DPYSL2: variants seen among roughly 807,000 people sequenced by gnomAD.
The protein encoded by DPYSL2 is dihydropyrimidinase-related protein 2.
A neutral mutation model predicts 69.9 loss-of-function variants in DPYSL2; 13 were observed. The observed-to-expected ratio is 0.19, with a 90% confidence interval of 0.12 to 0.30. The LOEUF (loss-of-function observed/expected upper bound fraction) is 0.30, where lower values mean the gene tolerates loss of function less well. Among genes scored for constraint, DPYSL2 ranks in the 10% least tolerant of loss-of-function variants. The pLI, the probability that DPYSL2 is intolerant of heterozygous loss-of-function variation, is 1.00. For missense variants in DPYSL2, 587 were observed against 918.9 expected, an observed-to-expected ratio of 0.64 and a Z score of 4.67; for synonymous variants, 326 against 359.1, an observed-to-expected ratio of 0.91 and a Z score of 1.04.
chr8:26,535,898 T>TGTGTGTG (rs1554532815), intron 1 of DPYSL2, among the ~76,000 whole-genome samples: 4 of 141,262 alleles, frequency 2.8e-5, no homozygotes, highest in African/African-American at 8.1e-5. Flanking sequence ...TCTCTATGGG[T>TGTGTGTG]TGTGTGTGTG....
rs578048307 is a variant in DPYSL2 at position 26,517,057 on chromosome 8, C to T, written c.354+2378C>T. On this transcript the variant is annotated intron_variant, in intron 1 of 13. Transcript: ENST00000521913. The surrounding 1 kb of genome is among the most constrained non-coding windows in gnomAD (Gnocchi z 4.2). ...TGTGCATTCTAATTGGAAGCCCTGA[C>T]GCAGAGAAAGGTGGGGGAGATTGAG... 3.2e-4 allele frequency among the ~76,000 whole-genome samples: 49 copies of T among 152,238 alleles called. 1 individual carries two copies. The highest frequency in any genetic ancestry group is 4.1e-4 in the South Asian group (2 of 4,822).
chr8:26,639,081 G>A (rs1302605091), intron 8 of DPYSL2, among the ~76,000 whole-genome samples: 2 of 152,188 alleles, frequency 1.3e-5, no homozygotes, highest in Admixed American at 1.3e-4. Context: ...CTCAATTTGA[G>A]ATAAGACCTC....
intron 1 of DPYSL2, among the ~76,000 whole-genome samples, chr8:26,540,098 A>G (rs1433878275): frequency 6.6e-6 from 1 of 152,234 alleles, no homozygotes; most frequent in Non-Finnish European, 1.5e-5. Flanking sequence ...GCTACAAGAG[A>G]ACACAAGTAG....
At position 26,626,475 on chromosome 8, in the gene DPYSL2, G is replaced by T; in HGVS notation, c.794-142G>T. 4.4e-6 allele frequency: 3 copies of T among 687,110 alleles called. No homozygotes were observed. The highest frequency in any genetic ancestry group is 7.0e-6 in the Non-Finnish European group (3 of 427,794). 42.6% of individuals were successfully genotyped at this position (687,110 alleles called of 1,614,324 possible). A position where few individuals can be genotyped will look rare whatever the true frequency, so the allele number is the denominator to read the frequency against. On this transcript the variant is annotated intron_variant, in intron 4 of 13. Coordinates refer to ENST00000521913, the MANE Select transcript of DPYSL2 (RefSeq NM_001197293.3). This position sits in a 1 kb window ranked among gnomAD's most constrained non-coding sequence, Gnocchi z 4.3. ...CCATTTCTCTCCTCTCTCTTTCTCT[G>T]TACTGAAACACACACACACACACAC...
At chr8:26,526,202 C>A (rs1808473105) in intron 1 of DPYSL2, among the ~76,000 whole-genome samples, 1 of 152,188 alleles carries the variant, frequency 6.6e-6, no homozygotes. Flanking sequence ...TCAAGCGATT[C>A]TCCTGCCTCA....
intron 1 of DPYSL2, among the ~76,000 whole-genome samples, chr8:26,575,868 C>G (rs1801318253): frequency 1.3e-5 from 2 of 152,066 alleles, no homozygotes; most frequent in African/African-American, 4.8e-5. Context: ...TTTTTGTGAG[C>G]TAATAGGACA....
In DPYSL2 at chr8:26,564,417, G is replaced by C. The variant is rs1028356619; in HGVS notation, c.355-17552G>C. Among the ~76,000 whole-genome samples the C allele has an allele frequency of 2.6e-5, 4 of 152,174 alleles. No homozygotes were observed. Among genetic ancestry groups the C allele is most frequent in the Non-Finnish European group, 5.9e-5 (4 of 68,040 alleles). Reference sequence around the variant, plus strand: ...CAAGCTCAAGGGACTGAGAGGTGGAGAGGAAGACTTTGAGATTTGGGAGCA... The same window carrying C: ...CAAGCTCAAGGGACTGAGAGGTGGACAGGAAGACTTTGAGATTTGGGAGCA... On this transcript the variant is annotated intron_variant, in intron 1 of 13. Coordinates refer to ENST00000521913, the MANE Select transcript of DPYSL2 (RefSeq NM_001197293.3). This position sits in a 1 kb window ranked among gnomAD's most constrained non-coding sequence, Gnocchi z 4.8.
intron 7 of DPYSL2, among the ~76,000 whole-genome samples, chr8:26,631,709 C>T (rs4733033): frequency 0.48 from 73,549 of 151,808 alleles, 19,495 homozygotes; most frequent in East Asian, 0.68. Context: ...TTTAGAGGCC[C>T]CTCTTGTATG....
intron 1 of DPYSL2, among the ~76,000 whole-genome samples, chr8:26,563,071 T>C (rs1462233530): frequency 1.3e-5 from 2 of 152,174 alleles, no homozygotes; most frequent in South Asian, 2.1e-4. Context: ...GCATCTCTTC[T>C]GTCATACTCT....
At chr8:26,529,276 C>CTATCATCTATCTATCTATCT (rs1554531948) in intron 1 of DPYSL2, among the ~76,000 whole-genome samples, 8 of 136,288 alleles carry the variant, frequency 5.9e-5, no homozygotes, top group African/African-American at 2.2e-4. Context: ...ATCTATCTAT[C>CTATCATCTATCTATCTATCT]ATCTATCTAT....
At position 26,626,512 on chromosome 8, in the gene DPYSL2, C is replaced by CGA; in HGVS notation, c.794-105_794-104insGA. ...ACACACACACACACACACACACACA[C>CGA]ACACACACACGTACACACACAGACA... is the stretch of plus-strand genomic sequence containing the variant. On this transcript the variant is annotated intron_variant, in intron 4 of 13. Transcript: ENST00000521913. The surrounding 1 kb of genome is among the most constrained non-coding windows in gnomAD (Gnocchi z 4.3). 1 of 906,650 alleles carries CGA rather than the reference C, an allele frequency of 1.1e-6. No homozygotes were observed. Among genetic ancestry groups the CGA allele is most frequent in the Non-Finnish European group, 1.8e-6 (1 of 569,192 alleles). The allele number at this position is 906,650 out of a possible 1,614,324, so 56.2% of individuals were successfully genotyped here.
At position 26,627,018 on chromosome 8, in the gene DPYSL2, T is replaced by C. The variant is rs567294831; in HGVS notation, c.856-197T>C. ...GTCCTGCTAAGTTGTACTGCCTCTG[T>C]TAATTTCTGAGGGGTCTTTCTCCAT... On this transcript the variant is annotated intron_variant, in intron 5 of 13. Transcript: ENST00000521913. This position sits in a 1 kb window ranked among gnomAD's most constrained non-coding sequence, Gnocchi z 6.9. Among the ~76,000 whole-genome samples the C allele has an allele frequency of 1.3e-5, 2 of 152,344 alleles. No individual in the cohort carries two copies. The highest frequency in any genetic ancestry group is 4.1e-4 in the South Asian group (2 of 4,832).
intron 1 of DPYSL2, among the ~76,000 whole-genome samples, chr8:26,525,979 G>A (rs573706999): frequency 9.9e-5 from 15 of 152,024 alleles, no homozygotes; most frequent in South Asian, 2.1e-4. Context: ...CAGATATTTC[G>A]TTTTATTTCT....
chr8:26,581,306 G>GT (rs146156168), intron 1 of DPYSL2, among the ~76,000 whole-genome samples: 2,391 of 151,178 alleles, frequency 0.016, 64 homozygotes, highest in African/African-American at 0.054. Flanking sequence ...TATGTAGGTG[G>GT]TTTTTTTTGT....
At chr8:26,534,494 T>C (rs1800560045) in intron 1 of DPYSL2, among the ~76,000 whole-genome samples, 1 of 152,004 alleles carries the variant, frequency 6.6e-6, no homozygotes, top group African/African-American at 2.4e-5. Context: ...CAAGATAAAA[T>C]TGTGAGCTCT....
chr8:26,645,083 C>A (rs574720793), intron 10 of DPYSL2, among the ~76,000 whole-genome samples: 9 of 152,056 alleles, frequency 5.9e-5, no homozygotes, highest in Non-Finnish European at 1.0e-4. Context: ...ATGTGACATG[C>A]GTGAGTGTGT....
At chr8:26,538,601 T>C (rs902043076) in intron 1 of DPYSL2, among the ~76,000 whole-genome samples, 5 of 152,156 alleles carry the variant, frequency 3.3e-5, no homozygotes, top group African/African-American at 1.2e-4. Flanking sequence ...ACAAAGATGT[T>C]CCTGCCTTGA....
At chr8:26,602,540 C>T (rs1414750883) in intron 3 of DPYSL2, among the ~76,000 whole-genome samples, 1 of 152,174 alleles carries the variant, frequency 6.6e-6, no homozygotes, top group Non-Finnish European at 1.5e-5. Context: ...CATGTGGTCA[C>T]CTTCATGGCA....
At position 26,533,836 on chromosome 8, in the gene DPYSL2, G is replaced by A. The variant is rs1020066858; in HGVS notation, c.354+19157G>A. On this transcript the variant is annotated intron_variant, in intron 1 of 13. Transcript: ENST00000521913. The surrounding 1 kb of genome is among the most constrained non-coding windows in gnomAD (Gnocchi z 4.8). ...CTTGCAAGAAGTGACGTGCTGCTGC[G>A]GTGGCAGGGACTGATGGGGGAACCC... is the stretch of plus-strand genomic sequence containing the variant. Among the ~76,000 whole-genome samples, 26 of 152,206 alleles carry A rather than the reference G, an allele frequency of 1.7e-4. No individual in the cohort carries two copies. Among genetic ancestry groups the A allele is most frequent in the East Asian group, 3.9e-4 (2 of 5,194 alleles).
Sources: allele counts gnomAD v4.1 joint callset (sites outside exome capture counted in the v4.1 genomes callset), GRCh38; gene constraint gnomAD v4.1.1; non-coding constraint Gnocchi (gnomAD v3.1); transcripts MANE v1.5; gene names NCBI Gene and HGNC (gene_info 2026-07-23, HGNC 2026-07-21).